LINGO2: variants seen among roughly 807,000 people sequenced by gnomAD.
LINGO2 encodes leucine-rich repeat and immunoglobulin-like domain-containing nogo receptor-interacting protein 2.
In LINGO2, 14 loss-of-function variants were observed where a neutral mutation model predicts 30.6. That is an observed-to-expected ratio of 0.46 (90% CI 0.30 to 0.72). The LOEUF (loss-of-function observed/expected upper bound fraction) is 0.72, where lower values mean the gene tolerates loss of function less well. LINGO2 is among the 30% of genes least tolerant of loss of function. LINGO2 has a pLI of 0.07. For synonymous variants in LINGO2, 317 were observed against 288.5 expected, an observed-to-expected ratio of 1.10 and a Z score of -1.00; for missense variants, 729 against 751.7, an observed-to-expected ratio of 0.97 and a Z score of 0.35.
At chr9:28,977,042 A>T in the LINGO2 span, among the ~76,000 whole-genome samples, 1 of 152,144 alleles carries the variant, frequency 6.6e-6, no homozygotes, top group Non-Finnish European at 1.5e-5. Flanking sequence ...TGAAAATTTT[A>T]CTAAGGTCAC....
In LINGO2 at chr9:27,948,753, C is replaced by T. The variant is rs1182257899; in HGVS notation, c.*98G>A. 1.5e-5 allele frequency: 21 copies of T among 1,369,998 alleles called. No individual in the cohort carries two copies. In the East Asian group the frequency reaches 4.6e-4, roughly 30 times the overall value. 84.9% of individuals were successfully genotyped at this position (1,369,998 alleles called of 1,614,324 possible). On this transcript the variant is annotated 3_prime_UTR_variant, in exon 6 of 6. Transcript: ENST00000379992. ...GACCCTGCTTTTGATACAGGGGCAG[C>T]TGCACATGGCTGCCTCTTAATCTAG...
At chr9:28,181,886 C>T (rs1369437455) in intron 4 of LINGO2, among the ~76,000 whole-genome samples, 1 of 152,074 alleles carries the variant, frequency 6.6e-6, no homozygotes, top group Admixed American at 6.6e-5. Flanking sequence ...GGCCATACCA[C>T]CCAAAGTAAT....
chr9:28,278,545 C>G (rs1246826140), intron 4 of LINGO2, among the ~76,000 whole-genome samples: 1 of 152,162 alleles, frequency 6.6e-6, no homozygotes, highest in Non-Finnish European at 1.5e-5. Context: ...GTTAAATCTA[C>G]TCTGCCTCTG....
Position 28,439,964 on chromosome 9 carries a change from AT to A in LINGO2, c.-279+35975del, listed in dbSNP as rs150636954. ...TAAATCCTGAATTGAGTATAACTTG[AT>A]GTGTACATGCCAGTAGCAAACTAAA... On this transcript the variant is annotated intron_variant, in intron 2 of 5. Transcript: ENST00000379992. 8.3e-3 allele frequency among the ~76,000 whole-genome samples: 1,257 copies of A among 152,208 alleles called. 18 individuals are homozygous for A. Among genetic ancestry groups the A allele is most frequent in the African/African-American group, 0.027 (1,125 of 41,510 alleles).
the LINGO2 span, among the ~76,000 whole-genome samples, chr9:29,110,870 T>G: frequency 6.6e-6 from 1 of 151,540 alleles, no homozygotes; most frequent in Non-Finnish European, 1.5e-5. Flanking sequence ...TTTGTATTTT[T>G]AGTAGAGACG....
At chr9:28,843,031 G>T in the LINGO2 span, among the ~76,000 whole-genome samples, 1 of 151,712 alleles carries the variant, frequency 6.6e-6, no homozygotes, top group Non-Finnish European at 1.5e-5. Context: ...CATGATAAAC[G>T]CTAATATGAA....
chr9:28,499,855 T>G (rs553300874), intron 1 of LINGO2, among the ~76,000 whole-genome samples: 6 of 152,166 alleles, frequency 3.9e-5, no homozygotes, highest in African/African-American at 1.4e-4. Context: ...TAGAGAATAG[T>G]AGATAAGTTT....
chr9:28,680,930 G>A, the LINGO2 span, among the ~76,000 whole-genome samples: 28 of 151,888 alleles, frequency 1.8e-4, 1 homozygote, highest in Admixed American at 7.9e-4. Context: ...TTGGCTGTGC[G>A]GAAGGTTTTC....
chr9:28,649,597 T>A (rs1408443460), intron 1 of LINGO2, among the ~76,000 whole-genome samples: 1 of 152,100 alleles, frequency 6.6e-6, no homozygotes, highest in African/African-American at 2.4e-5. Flanking sequence ...AAAAAAATTT[T>A]AAGTTACCTT....
chr9:27,953,084 C>A (rs1230284674), intron 5 of LINGO2, among the ~76,000 whole-genome samples: 2 of 151,790 alleles, frequency 1.3e-5, no homozygotes, highest in Admixed American at 6.6e-5. Flanking sequence ...AAAAGAAATG[C>A]AAATTTAAAA....
intron 1 of LINGO2, among the ~76,000 whole-genome samples, chr9:28,627,327 A>T (rs1311720579): frequency 6.6e-6 from 1 of 152,076 alleles, no homozygotes; most frequent in Non-Finnish European, 1.5e-5. Flanking sequence ...CCAATAGACA[A>T]ATAATATTGT....
At chr9:28,569,010 A>G (rs1267768903) in intron 1 of LINGO2, among the ~76,000 whole-genome samples, 1 of 152,088 alleles carries the variant, frequency 6.6e-6, no homozygotes, top group Non-Finnish European at 1.5e-5. Context: ...ATGAATACAT[A>G]TAAAGGCAAC....
the LINGO2 span, among the ~76,000 whole-genome samples, chr9:28,847,419 A>T: frequency 6.8e-6 from 1 of 147,048 alleles, no homozygotes; most frequent in Non-Finnish European, 1.5e-5. Flanking sequence ...GGTTTAATTT[A>T]TGGCACGTCA....
the LINGO2 span, among the ~76,000 whole-genome samples, chr9:29,163,435 A>G: frequency 6.6e-6 from 1 of 152,160 alleles, no homozygotes; most frequent in Non-Finnish European, 1.5e-5. Flanking sequence ...TGATATAGAA[A>G]AACAATGAGT....
chr9:28,038,105 A>G (rs918734521), intron 4 of LINGO2, among the ~76,000 whole-genome samples: 1 of 152,242 alleles, frequency 6.6e-6, no homozygotes, highest in Non-Finnish European at 1.5e-5. Flanking sequence ...CTCTTCTTAG[A>G]TAATTCTGAA....
chr9:28,405,312 T>C (rs10968564), intron 2 of LINGO2, among the ~76,000 whole-genome samples: 17,634 of 152,168 alleles, frequency 0.12, 1,156 homozygotes, highest in East Asian at 0.24. Flanking sequence ...GTCCTCTCAA[T>C]TGAAATAGAA....
At chr9:28,999,298 C>G in the LINGO2 span, among the ~76,000 whole-genome samples, 4 of 152,070 alleles carry the variant, frequency 2.6e-5, no homozygotes, top group African/African-American at 9.7e-5. Context: ...CTAGCTCTGT[C>G]AGACATGTAA....
intron 4 of LINGO2, among the ~76,000 whole-genome samples, chr9:28,102,044 C>T (rs533264056): frequency 6.6e-6 from 1 of 152,000 alleles, no homozygotes; most frequent in Admixed American, 6.6e-5. Flanking sequence ...CACCTTGATC[C>T]CTCCCACTGA....
the LINGO2 span, among the ~76,000 whole-genome samples, chr9:28,970,128 G>T: frequency 6.6e-6 from 1 of 151,958 alleles, no homozygotes; most frequent in African/African-American, 2.4e-5. Flanking sequence ...GAAGAGATGA[G>T]GTCCTAGCAC....
Sources: gnomAD v4.1 joint callset for allele counts (sites outside exome capture counted in the v4.1 genomes callset) on GRCh38, gnomAD v4.1.1 for gene constraint, MANE v1.5 for transcripts, NCBI Gene and HGNC (gene_info 2026-07-23, HGNC 2026-07-21) for gene names.